CLMP: variants seen among roughly 807,000 people sequenced by gnomAD.
CLMP encodes the protein CXADR-like membrane protein.
CLMP carries 27 observed loss-of-function variants against 45.2 expected under a neutral mutation model. The observed-to-expected ratio is 0.60, with a 90% CI of 0.44 to 0.82. The LOEUF is 0.82. CLMP is among the 40% of genes least tolerant of loss of function. CLMP has a pLI of 0.00. For missense variants in CLMP, 403 were observed against 448.4 expected, an observed-to-expected ratio of 0.90 and a Z score of 0.91; for synonymous variants, 167 against 171.4, an observed-to-expected ratio of 0.97 and a Z score of 0.20.
intron 1 of CLMP, among the ~76,000 whole-genome samples, chr11:123,159,640 T>A (rs189509307): frequency 1.3e-5 from 2 of 152,300 alleles, no homozygotes; most frequent in East Asian, 3.9e-4. Context: ...GAGGGGCAAC[T>A]GACACGTACA....
At chr11:123,114,536 CTCAAGCAATT>C (rs1366663151) in intron 1 of CLMP, among the ~76,000 whole-genome samples, 24 of 146,740 alleles carry the variant, frequency 1.6e-4, no homozygotes. Flanking sequence ...AACTCCTAGG[CTCAAGCAATT>C]CTTCCTCCTT....
chr11:123,173,743 C>G (rs1861665044), intron 1 of CLMP, among the ~76,000 whole-genome samples: 1 of 152,234 alleles, frequency 6.6e-6, no homozygotes, highest in South Asian at 2.1e-4. Flanking sequence ...TGATAAATAA[C>G]AGCTCTGTCC....
chr11:123,152,185 C>A (rs1861344832), intron 1 of CLMP, among the ~76,000 whole-genome samples: 1 of 152,032 alleles, frequency 6.6e-6, no homozygotes, highest in Non-Finnish European at 1.5e-5. Context: ...TTATAAGGAG[C>A]TATACACATA....
intron 1 of CLMP, among the ~76,000 whole-genome samples, chr11:123,128,430 G>T (rs1249447756): frequency 6.6e-6 from 1 of 152,034 alleles, no homozygotes; most frequent in Non-Finnish European, 1.5e-5. Context: ...GTAATTCCGA[G>T]GTGGGAGGAT....
chr11:123,071,272 TA>T lies in CLMP; in HGVS notation c.*2201del, dbSNP rs1390962501. On this transcript the variant is annotated 3_prime_UTR_variant, in exon 7 of 7. Coordinates refer to ENST00000448775, the MANE Select transcript of CLMP (RefSeq NM_024769.5). ...CAACATGGCGAAACCCCATCTCTAC[TA>T]AAAATACAAAAATTAGCTGTACGTG... is the stretch of plus-strand genomic sequence containing the variant. 1 of 151,896 alleles carries T rather than the reference TA, an allele frequency of 6.6e-6. No homozygotes were observed. Among genetic ancestry groups the T allele is most frequent in the African/African-American group, 2.4e-5 (1 of 41,336 alleles). The allele number at this position is 151,896 out of a possible 1,614,324, so 9.4% of individuals were successfully genotyped here.
chr11:123,073,308 G>T lies in CLMP; in HGVS notation c.*166C>A. 2.7e-6 allele frequency: 2 copies of T among 731,866 alleles called. No homozygotes were observed. Among genetic ancestry groups the T allele is most frequent in the African/African-American group, 1.7e-5 (1 of 57,154 alleles). 45.3% of individuals were successfully genotyped at this position (731,866 alleles called of 1,614,324 possible). On this transcript the variant is annotated 3_prime_UTR_variant, in exon 7 of 7. Transcript: ENST00000448775. ...TCAGCTTACATCCTTTTGCTTGTTT[G>T]GTATTGTATAAGGAAAATGCTCATC...
chr11:123,080,197 C>T (rs1865788777), intron 5 of CLMP, among the ~76,000 whole-genome samples: 1 of 152,298 alleles, frequency 6.6e-6, no homozygotes, highest in East Asian at 1.9e-4. Flanking sequence ...TCTAAGAGAT[C>T]TAACATCTAA....
At chr11:123,117,244 T>C (rs943818711) in intron 1 of CLMP, among the ~76,000 whole-genome samples, 1 of 152,012 alleles carries the variant, frequency 6.6e-6, no homozygotes, top group Non-Finnish European at 1.5e-5. Context: ...TATGTATATA[T>C]ATAATTTCAT....
chr11:123,128,147 T>C (rs1396108557), intron 1 of CLMP, among the ~76,000 whole-genome samples: 3 of 150,102 alleles, frequency 2.0e-5, no homozygotes, highest in South Asian at 2.1e-4. Flanking sequence ...CCCATATTTA[T>C]AGGATGAAGG....
intron 1 of CLMP, among the ~76,000 whole-genome samples, chr11:123,150,465 AAGAAAG>A (rs1861303073): frequency 8.5e-5 from 9 of 105,664 alleles, no homozygotes; most frequent in Non-Finnish European, 1.9e-4. Context: ...GAAAGAAAGA[AAGAAAG>A]AAAGAAAGAA....
chr11:123,163,724 C>A (rs540261563), intron 1 of CLMP, among the ~76,000 whole-genome samples: 33 of 152,114 alleles, frequency 2.2e-4, no homozygotes, highest in South Asian at 6.2e-4. Context: ...AAGGTAATGT[C>A]AGATCTTTCA....
chr11:123,137,171 T>TTTTTTTTTTTTTTC (rs1861087219), intron 1 of CLMP, among the ~76,000 whole-genome samples: 1 of 121,114 alleles, frequency 8.3e-6, no homozygotes, highest in African/African-American at 3.4e-5. Context: ...TTTTTTTTTT[T>TTTTTTTTTTTTTTC]GAGATGGAGT....
chr11:123,159,368 A>G (rs1221499405), intron 1 of CLMP, among the ~76,000 whole-genome samples: 1 of 152,178 alleles, frequency 6.6e-6, no homozygotes, highest in African/African-American at 2.4e-5. Context: ...CCTGCATGTG[A>G]CAGGAAGGAG....
chr11:123,149,173 C>A (rs564402604), intron 1 of CLMP, among the ~76,000 whole-genome samples: 1 of 152,198 alleles, frequency 6.6e-6, no homozygotes, highest in Non-Finnish European at 1.5e-5. Context: ...TCTGCAGAGC[C>A]CACTGAGCCA....
At chr11:123,168,601 A>C (rs972357319) in intron 1 of CLMP, among the ~76,000 whole-genome samples, 2 of 152,138 alleles carry the variant, frequency 1.3e-5, no homozygotes, top group Non-Finnish European at 2.9e-5. Flanking sequence ...ACCAATAGTC[A>C]GAACCCTCCA....
At chr11:123,190,354 G>A (rs1861893514) in intron 1 of CLMP, among the ~76,000 whole-genome samples, 2 of 152,066 alleles carry the variant, frequency 1.3e-5, no homozygotes, top group Non-Finnish European at 2.9e-5. Flanking sequence ...AATAAGCAGG[G>A]TAACACCCAT....
At chr11:123,142,872 C>T (rs1005812890) in intron 1 of CLMP, among the ~76,000 whole-genome samples, 10 of 149,950 alleles carry the variant, frequency 6.7e-5, no homozygotes, top group African/African-American at 2.5e-4. Context: ...ATGATCCACC[C>T]ACCTCGGCCT....
chr11:123,141,481 G>T (rs1406881270), intron 1 of CLMP, among the ~76,000 whole-genome samples: 1 of 152,018 alleles, frequency 6.6e-6, no homozygotes. Context: ...ACCGCGCCCG[G>T]CCAGGCATTC....
chr11:123,136,641 C>T (rs113433516), intron 1 of CLMP, among the ~76,000 whole-genome samples: 6,399 of 141,712 alleles, frequency 0.045, 456 homozygotes, highest in African/African-American at 0.16. Flanking sequence ...GATCTTGGCT[C>T]ACTGTAATCT....
Sources: allele counts gnomAD v4.1 joint callset (sites outside exome capture counted in the v4.1 genomes callset), GRCh38; gene constraint gnomAD v4.1.1; transcripts MANE v1.5; gene names NCBI Gene and HGNC (gene_info 2026-07-23, HGNC 2026-07-21).